The following PCDH15 variants were observed in gnomAD, a reference collection of about 807,000 sequenced individuals.
The protein encoded by PCDH15 is protocadherin-15.
Under a neutral mutation model 178.5 loss-of-function variants are expected in PCDH15, and 129 were observed. That is an observed-to-expected ratio of 0.72 (90% confidence interval 0.63 to 0.84). PCDH15 has a LOEUF of 0.84. PCDH15 is among the 40% of genes least tolerant of loss of function. The probability of loss-of-function intolerance (pLI) is 0.00; values close to 1 mark genes in which losing one functional copy is unlikely to be tolerated. For missense variants in PCDH15, 2,230 were observed against 2,099.9 expected (o/e 1.06, Z -1.21); for synonymous variants, 800 against 732.0 (o/e 1.09, Z -1.50).
At chr10:55,439,084 T>C (rs1306946892) in intron 2 of PCDH15, among the ~76,000 whole-genome samples, 2 of 151,942 alleles carry the variant, frequency 1.3e-5, no homozygotes, top group African/African-American at 4.8e-5. Flanking sequence ...TTTGTATTTT[T>C]AGTAGAGATA....
In PCDH15 at chr10:54,900,588, C is replaced by G. The variant is rs145785465; in HGVS notation, c.-79-3088G>C. On this transcript the variant is annotated intron_variant, in intron 2 of 5. Transcript: ENST00000458638. Reference sequence around the variant, plus strand: ...CATTCTACAGATTTATTCAGGAATGCCTTTGACATTAAAAGCATTGCTATG... The same window carrying G: ...CATTCTACAGATTTATTCAGGAATGGCTTTGACATTAAAAGCATTGCTATG... Among the ~76,000 whole-genome samples, 922 of 152,148 alleles carry G rather than the reference C, an allele frequency of 6.1e-3. 10 individuals are homozygous for G. The highest frequency in any genetic ancestry group is 0.02 in the African/African-American group (831 of 41,520).
chr10:54,897,457 G>A (rs1254660142), exon 3 of PCDH15: 1 of 152,106 alleles, frequency 6.6e-6, no homozygotes, highest in Admixed American at 6.6e-5. Flanking sequence ...TACCTTATTT[G>A]CAGGTCTTTG....
At chr10:54,522,325 C>A (rs1162710024) in intron 3 of PCDH15, among the ~76,000 whole-genome samples, 1 of 152,062 alleles carries the variant, frequency 6.6e-6, no homozygotes, top group South Asian at 2.1e-4. Flanking sequence ...CAATCAACAT[C>A]CATCTTCTCT....
At chr10:54,829,269 G>A (rs1038159995) in intron 3 of PCDH15, among the ~76,000 whole-genome samples, 4 of 151,782 alleles carry the variant, frequency 2.6e-5, no homozygotes, top group Admixed American at 2.0e-4. Context: ...CTAGATGAGA[G>A]GTCAGTTAGT....
chr10:55,602,482 GT>G (rs1843109766), intron 2 of PCDH15, among the ~76,000 whole-genome samples: 1 of 152,112 alleles, frequency 6.6e-6, no homozygotes, highest in South Asian at 2.1e-4. Flanking sequence ...AGACTTAAAT[GT>G]CCCTGTCTGA....
intron 8 of PCDH15, among the ~76,000 whole-genome samples, chr10:54,293,283 G>C (rs1361108106): frequency 6.6e-6 from 1 of 152,084 alleles, no homozygotes; most frequent in South Asian, 2.1e-4. Context: ...GCTGAAACTG[G>C]ATCCCTTCCT....
At chr10:53,813,140 A>G (rs2075936643) in intron 35 of PCDH15, among the ~76,000 whole-genome samples, 1 of 152,142 alleles carries the variant, frequency 6.6e-6, no homozygotes, top group African/African-American at 2.4e-5. Context: ...CCAATAATCT[A>G]GTTGGCTAGA....
At chr10:55,058,027 C>A (rs886183663) in intron 2 of PCDH15, among the ~76,000 whole-genome samples, 4 of 151,752 alleles carry the variant, frequency 2.6e-5, no homozygotes, top group Non-Finnish European at 4.4e-5. Flanking sequence ...TCTTTTTAAT[C>A]GTTTGCATTC....
chr10:54,118,060 A>G (rs2132813169), intron 15 of PCDH15, among the ~76,000 whole-genome samples: 1 of 152,338 alleles, frequency 6.6e-6, no homozygotes, highest in Middle Eastern at 3.4e-3. Context: ...CTTAAGTGGC[A>G]GTGAAAAAGA....
chr10:54,060,730 C>G (rs1437566855), intron 18 of PCDH15, among the ~76,000 whole-genome samples: 1 of 152,140 alleles, frequency 6.6e-6, no homozygotes, highest in African/African-American at 2.4e-5. Context: ...TCATTAAGTT[C>G]TCCATCTTGT....
At chr10:55,161,687 A>C (rs1839070888) in intron 2 of PCDH15, among the ~76,000 whole-genome samples, 1 of 152,146 alleles carries the variant, frequency 6.6e-6, no homozygotes, top group Admixed American at 6.6e-5. Context: ...CATTACTATT[A>C]CAAATTTTCA....
intron 3 of PCDH15, among the ~76,000 whole-genome samples, chr10:54,488,024 C>A (rs2079251373): frequency 6.6e-6 from 1 of 151,628 alleles, no homozygotes; most frequent in Non-Finnish European, 1.5e-5. Flanking sequence ...AAACTGTATC[C>A]TTTTTCCTTG....
intron 2 of PCDH15, among the ~76,000 whole-genome samples, chr10:54,635,876 T>G (rs2093839668): frequency 6.6e-6 from 1 of 151,828 alleles, no homozygotes. Flanking sequence ...AATATTATGG[T>G]CATATATCAC....
chr10:54,133,558 A>T (rs779242959), intron 14 of PCDH15, among the ~76,000 whole-genome samples: 38 of 152,202 alleles, frequency 2.5e-4, no homozygotes, highest in Non-Finnish European at 4.3e-4. Flanking sequence ...AATACGTTTT[A>T]AAATCTTCTC....
intron 2 of PCDH15, among the ~76,000 whole-genome samples, chr10:55,013,784 T>A (rs1366056635): frequency 2.0e-5 from 3 of 152,128 alleles, no homozygotes; most frequent in Non-Finnish European, 4.4e-5. Context: ...GGAAATAAAA[T>A]AGCACTTGGC....
intron 1 of PCDH15, among the ~76,000 whole-genome samples, chr10:54,775,453 T>C (rs1949584128): frequency 6.6e-6 from 1 of 152,218 alleles, no homozygotes; most frequent in Non-Finnish European, 1.5e-5. Flanking sequence ...GCATATCCAT[T>C]ATCTCCAATA....
At chr10:54,893,828 G>T (rs1262353675) in intron 3 of PCDH15, among the ~76,000 whole-genome samples, 1 of 152,012 alleles carries the variant, frequency 6.6e-6, no homozygotes, top group African/African-American at 2.4e-5. Context: ...ATTAAAGCTT[G>T]TTCTTCACAG....
At chr10:54,919,789 T>A (rs1001548182) in intron 2 of PCDH15, among the ~76,000 whole-genome samples, 2 of 152,094 alleles carry the variant, frequency 1.3e-5, no homozygotes, top group Non-Finnish European at 2.9e-5. Context: ...ATATGAAATA[T>A]GAACTACGAT....
intron 3 of PCDH15, among the ~76,000 whole-genome samples, chr10:54,420,723 G>A (rs567996273): frequency 6.6e-6 from 1 of 152,208 alleles, no homozygotes; most frequent in African/African-American, 2.4e-5. Flanking sequence ...AAGAGATGAT[G>A]TTGGCTGGGA....
Sources: allele counts gnomAD v4.1 joint callset (sites outside exome capture counted in the v4.1 genomes callset), GRCh38; gene constraint gnomAD v4.1.1; transcripts MANE v1.5; gene names NCBI Gene and HGNC (gene_info 2026-07-23, HGNC 2026-07-21).